The following MEF2C variants were observed in gnomAD, a reference collection of about 807,000 sequenced individuals.
The protein encoded by MEF2C is myocyte-specific enhancer factor 2C.
In MEF2C, 6 loss-of-function variants were observed where a neutral mutation model predicts 50.5. The observed-to-expected ratio is 0.12, with a 90% CI of 0.07 to 0.23. The LOEUF (loss-of-function observed/expected upper bound fraction) is 0.23, where lower values mean the gene tolerates loss of function less well. Ranked by LOEUF, MEF2C falls within the 10% of genes least tolerant of loss-of-function variation. The pLI, the probability that MEF2C is intolerant of heterozygous loss-of-function variation, is 1.00. For missense variants in MEF2C, 276 were observed against 605.0 expected, an observed-to-expected ratio of 0.46 and a Z score of 5.70; for synonymous variants, 183 against 228.0, an observed-to-expected ratio of 0.80 and a Z score of 1.78.
chr5:88,786,640 T>A (rs1384129948), intron 3 of MEF2C, among the ~76,000 whole-genome samples: 1 of 152,144 alleles, frequency 6.6e-6, no homozygotes, highest in Non-Finnish European at 1.5e-5. Context: ...CATTAAAAAA[T>A]CCAGTGCTAA....
intron 5 of MEF2C, among the ~76,000 whole-genome samples, chr5:88,749,907 G>A (rs1426124801): frequency 1.3e-5 from 2 of 151,968 alleles, no homozygotes; most frequent in Non-Finnish European, 2.9e-5. Flanking sequence ...GCGGGTGCCT[G>A]TGGTCCCAGC....
At chr5:88,896,411 G>T (rs1026682502) in intron 1 of MEF2C, among the ~76,000 whole-genome samples, 3 of 152,144 alleles carry the variant, frequency 2.0e-5, no homozygotes, top group African/African-American at 7.2e-5. Flanking sequence ...CTTGAACAGG[G>T]TTTAAGAACT....
At chr5:88,842,163 T>C (rs1817617688) in intron 1 of MEF2C, among the ~76,000 whole-genome samples, 1 of 152,176 alleles carries the variant, frequency 6.6e-6, no homozygotes, top group African/African-American at 2.4e-5. Context: ...ATAAGAAATA[T>C]CTTGTAATAT....
rs1305910695 is a variant in MEF2C at position 88,823,920 on chromosome 5, A to C, written c.-132T>G. The C allele has an allele frequency of 7.5e-6, 11 of 1,464,206 alleles. No homozygotes were observed. The highest frequency in any genetic ancestry group is 9.9e-6 in the Non-Finnish European group (11 of 1,106,396). 90.7% of individuals were successfully genotyped at this position (1,464,206 alleles called of 1,614,324 possible). A position where few individuals can be genotyped will look rare whatever the true frequency, so the allele number is the denominator to read the frequency against. ...CACAGCTCAGTTCCCAAATTCCTGCATTCGTTCCTGCTGAACAAAAAAGAA... is the reference window on the plus strand; with the variant it reads ...CACAGCTCAGTTCCCAAATTCCTGCCTTCGTTCCTGCTGAACAAAAAAGAA... On this transcript the variant is annotated 5_prime_UTR_variant, in exon 2 of 11. The change abolishes an upstream ATG in the 5' untranslated region. Transcript: ENST00000504921.
At chr5:88,868,986 C>T (rs1462353960) in intron 1 of MEF2C, among the ~76,000 whole-genome samples, 3 of 151,646 alleles carry the variant, frequency 2.0e-5, no homozygotes. Flanking sequence ...ATTCCTTTTT[C>T]TTTACGAATT....
intron 3 of MEF2C, chr5:88,771,441 G>A (rs2152776150): frequency 1.0e-5 from 10 of 985,312 alleles, no homozygotes; most frequent in Non-Finnish European, 1.2e-5. Context: ...TTTTCCTAAC[G>A]CTTGTAGAAG....
intron 6 of MEF2C, chr5:88,744,055 C>T (rs1195012119): frequency 2.0e-6 from 2 of 977,236 alleles, no homozygotes; most frequent in Non-Finnish European, 2.4e-6. Flanking sequence ...AACTATGAAT[C>T]AATAACTCCT....
At chr5:88,792,043 T>C (rs1794012956) in intron 3 of MEF2C, among the ~76,000 whole-genome samples, 1 of 152,120 alleles carries the variant, frequency 6.6e-6, no homozygotes, top group Non-Finnish European at 1.5e-5. Context: ...AATTATGTTT[T>C]ATAGTAAATC....
At chr5:88,826,167 T>TA (rs35356282) in intron 1 of MEF2C, among the ~76,000 whole-genome samples, 2 of 151,506 alleles carry the variant, frequency 1.3e-5, no homozygotes, top group African/African-American at 2.4e-5. Context: ...AGCAAGGACT[T>TA]AAAAAAAAAT....
intron 4 of MEF2C, among the ~76,000 whole-genome samples, chr5:88,759,121 C>T (rs1776706138): frequency 6.6e-6 from 1 of 152,192 alleles, no homozygotes; most frequent in Admixed American, 6.5e-5. Flanking sequence ...ACTTACAAAC[C>T]TTAATGCACA....
At chr5:88,849,932 AT>A (rs1212743591) in intron 1 of MEF2C, among the ~76,000 whole-genome samples, 1 of 151,888 alleles carries the variant, frequency 6.6e-6, no homozygotes, top group Admixed American at 6.6e-5. Flanking sequence ...AGCAAAATTT[AT>A]TTTTTTTGTT....
chr5:88,845,388 T>C (rs989541523), intron 1 of MEF2C, among the ~76,000 whole-genome samples: 3 of 152,238 alleles, frequency 2.0e-5, no homozygotes, highest in African/African-American at 7.2e-5. Context: ...CAACTGTAAG[T>C]AAGAAATTAC....
chr5:88,838,613 T>C (rs561418656), intron 1 of MEF2C: 3 of 985,222 alleles, frequency 3.0e-6, no homozygotes, highest in African/African-American at 1.7e-5. Context: ...TCCCCAAAGC[T>C]TGAAGCAGTC....
upstream of MEF2C, among the ~76,000 whole-genome samples, chr5:88,887,207 T>C: frequency 6.6e-6 from 1 of 152,198 alleles, no homozygotes; most frequent in East Asian, 1.9e-4. Context: ...CAAATTCCAA[T>C]AGCATTACAT....
At chr5:88,891,975 A>G (rs1332862824) in intron 1 of MEF2C, among the ~76,000 whole-genome samples, 7 of 152,084 alleles carry the variant, frequency 4.6e-5, no homozygotes, top group Admixed American at 1.3e-4. Flanking sequence ...GAAGTGTCCA[A>G]ATAAGAGTAC....
intron 1 of MEF2C, among the ~76,000 whole-genome samples, chr5:88,842,146 A>G (rs777469438): frequency 1.1e-4 from 16 of 152,130 alleles, no homozygotes; most frequent in Non-Finnish European, 2.1e-4. Context: ...GCTACATAGT[A>G]TATTTTATAA....
intron 6 of MEF2C, chr5:88,740,334 G>A: frequency 1.0e-6 from 1 of 984,702 alleles, no homozygotes; most frequent in Non-Finnish European, 1.2e-6. Flanking sequence ...TGTAAGCTCT[G>A]GATTGTGAGG....
At chr5:88,830,522 T>C (rs77672126) in intron 1 of MEF2C, among the ~76,000 whole-genome samples, 2,177 of 152,162 alleles carry the variant, frequency 0.014, 52 homozygotes, top group African/African-American at 0.05. Context: ...CTCCCTGTCA[T>C]AGTTATCCAT....
At chr5:88,889,492 A>C (rs1044176548) in intron 1 of MEF2C, 6 of 150,748 alleles carry the variant, frequency 4.0e-5, no homozygotes, top group Non-Finnish European at 8.8e-5. Flanking sequence ...TGAGTGCGCC[A>C]CGTGCGTGCG....
Sources: allele counts gnomAD v4.1 joint callset (sites outside exome capture counted in the v4.1 genomes callset), GRCh38; gene constraint gnomAD v4.1.1; transcripts MANE v1.5; gene names NCBI Gene and HGNC (gene_info 2026-07-23, HGNC 2026-07-21).